Variants in SEC22C observed in about 807,000 individuals in gnomAD.
SEC22C encodes SEC22 homolog C, vesicle trafficking protein, also known as vesicle-trafficking protein SEC22c.
Under a neutral mutation model 34.7 loss-of-function variants are expected in SEC22C, and 29 were observed. The observed-to-expected ratio is 0.84, with a 90% confidence interval of 0.62 to 1.14. The LOEUF (loss-of-function observed/expected upper bound fraction) is 1.14, where lower values mean the gene tolerates loss of function less well. SEC22C is among the 50% of genes most tolerant of loss of function. SEC22C has a pLI of 0.00. For synonymous variants in SEC22C, 117 were observed against 132.8 expected (o/e 0.88, Z 0.82); for missense variants, 337 against 369.0 (o/e 0.91, Z 0.71).
At chr3:42,563,978 C>T (rs895011371) in intron 2 of SEC22C, 14 of 1,283,760 alleles carry the variant, frequency 1.1e-5, no homozygotes, top group African/African-American at 1.5e-5. Flanking sequence ...GACTTCTCCA[C>T]ATCTATTGAG....
chr3:42,551,502 C>G lies in SEC22C; in HGVS notation c.*1746G>C. ...GATTACAGGCATGTGCCATCACATC[C>G]GGCTAATTTTTTTTTTTGTAGAGAT... On this transcript the variant is annotated 3_prime_UTR_variant, in exon 7 of 7. Transcript: ENST00000264454. 2.1e-6 allele frequency: 1 copy of G among 486,840 alleles called. No individual in the cohort carries two copies. Among genetic ancestry groups the G allele is most frequent in the South Asian group, 8.8e-5 (1 of 11,364 alleles). 30.2% of individuals were successfully genotyped at this position (486,840 alleles called of 1,614,324 possible). A position where few individuals can be genotyped will look rare whatever the true frequency, so the allele number is the denominator to read the frequency against.
At chr3:42,571,030 G>A (rs1371254235) in intron 1 of SEC22C, among the ~76,000 whole-genome samples, 1 of 152,180 alleles carries the variant, frequency 6.6e-6, no homozygotes, top group Non-Finnish European at 1.5e-5. Flanking sequence ...TTTGGGAGCT[G>A]AGTAAATTGT....
chr3:42,594,511 C>A (rs747267212), intron 1 of SEC22C: 13 of 1,611,150 alleles, frequency 8.1e-6, no homozygotes, highest in Middle Eastern at 3.3e-4. Flanking sequence ...ATGGAATAAT[C>A]TTTCAAAAGC....
chr3:42,569,997 A>G (rs541740642), intron 1 of SEC22C, among the ~76,000 whole-genome samples: 117 of 152,328 alleles, frequency 7.7e-4, no homozygotes, highest in Non-Finnish European at 1.4e-3. Context: ...TACAGCTCAG[A>G]TAAGTCTTTC....
intron 2 of SEC22C, among the ~76,000 whole-genome samples, chr3:42,564,781 AG>A (rs1363378703): frequency 6.6e-6 from 1 of 152,012 alleles, no homozygotes; most frequent in Admixed American, 6.6e-5. Flanking sequence ...GTTTTGACAC[AG>A]GGTCTCACTC....
intron 1 of SEC22C, among the ~76,000 whole-genome samples, chr3:42,592,310 C>T (rs1036034181): frequency 4.6e-5 from 7 of 152,016 alleles, no homozygotes; most frequent in Admixed American, 2.0e-4. Flanking sequence ...AAGCAATTCT[C>T]GTGCCTCAGC....
At chr3:42,587,442 A>C (rs530269457) in intron 1 of SEC22C, 1 of 152,122 alleles carries the variant, frequency 6.6e-6, no homozygotes, top group Non-Finnish European at 1.5e-5. Flanking sequence ...TTAAAAAACC[A>C]ATCAGTCCAG....
At chr3:42,570,086 T>C (rs1703522741) in intron 1 of SEC22C, among the ~76,000 whole-genome samples, 2 of 152,152 alleles carry the variant, frequency 1.3e-5, no homozygotes, top group Admixed American at 6.5e-5. Context: ...CTTTACTTGA[T>C]AGGATGATAA....
At chr3:42,558,750 C>T (rs1231437300) in intron 4 of SEC22C, among the ~76,000 whole-genome samples, 3 of 152,040 alleles carry the variant, frequency 2.0e-5, no homozygotes, top group Admixed American at 6.5e-5. Context: ...CAAGATTGCA[C>T]CATGGTACTT....
At chr3:42,561,381 C>T in intron 3 of SEC22C, 85 bp from the exon 4 acceptor site, 1 of 1,417,750 alleles carries the variant, frequency 7.1e-7, no homozygotes, top group East Asian at 2.3e-5. Context: ...GTTCACATTT[C>T]TTTTTTTTGA....
At chr3:42,592,233 C>T (rs547852223) in intron 1 of SEC22C, among the ~76,000 whole-genome samples, 18 of 151,906 alleles carry the variant, frequency 1.2e-4, no homozygotes, top group African/African-American at 4.3e-4. Flanking sequence ...GACAGTCTCC[C>T]TCTGTCACCC....
chr3:42,588,590 C>T (rs971942375), intron 1 of SEC22C, among the ~76,000 whole-genome samples: 5 of 152,046 alleles, frequency 3.3e-5, no homozygotes, highest in African/African-American at 1.2e-4. Context: ...ATATAAATTA[C>T]ATGAAATTTT....
chr3:42,548,610 G>C lies in SEC22C; in HGVS notation c.*4638C>G. 1.9e-6 allele frequency: 3 copies of C among 1,613,670 alleles called. No homozygotes were observed. Among genetic ancestry groups the C allele is most frequent in the Non-Finnish European group, 2.5e-6 (3 of 1,180,002 alleles). On this transcript the variant is annotated 3_prime_UTR_variant, in exon 7 of 7. Transcript: ENST00000264454. The stretch of plus-strand genomic sequence containing the variant: ...GCTCTCCTCATTTGGGTCAGGGGTG[G>C]CTGGCTCACGAGGTTTGGTCCAACC...
At position 42,549,160 on chromosome 3, in the gene SEC22C, T is replaced by C. The variant is rs950981380; in HGVS notation, c.*4088A>G. The C allele has an allele frequency of 7.1e-6, 7 of 991,612 alleles. No individual in the cohort carries two copies. The African/African-American group carries it at 1.0e-4, about 15-fold the overall frequency. The allele number at this position is 991,612 out of a possible 1,614,324, so 61.4% of individuals were successfully genotyped here. A position where few individuals can be genotyped will look rare whatever the true frequency, so the allele number is the denominator to read the frequency against. On this transcript the variant is annotated 3_prime_UTR_variant, in exon 7 of 7. Coordinates refer to ENST00000264454, the MANE Select transcript of SEC22C (RefSeq NM_032970.4). ...ATTATTAACACTCACAGGGCACAGGTAGAGCGTCCCCAGACCTGTGCAATA... is the reference window on the plus strand; with the variant it reads ...ATTATTAACACTCACAGGGCACAGGCAGAGCGTCCCCAGACCTGTGCAATA...
upstream of SEC22C, among the ~76,000 whole-genome samples, chr3:42,582,847 T>A (rs954518368): frequency 6.6e-6 from 1 of 151,950 alleles, no homozygotes; most frequent in Non-Finnish European, 1.5e-5. Flanking sequence ...CTTTGAGGGA[T>A]GAAAAGAAAC....
chr3:42,590,893 T>C, intron 1 of SEC22C: 1 of 1,505,140 alleles, frequency 6.6e-7, no homozygotes, highest in African/African-American at 1.4e-5. Flanking sequence ...CGGAGGTTCC[T>C]CGGGATGTCG....
At chr3:42,566,845 T>C (rs1188315957) in intron 2 of SEC22C, 1 of 429,638 alleles carries the variant, frequency 2.3e-6, no homozygotes, top group East Asian at 7.3e-5. Context: ...CTCTAAAAAA[T>C]AAAAATAAAT....
intron 2 of SEC22C, among the ~76,000 whole-genome samples, chr3:42,567,488 T>A (rs1703324812): frequency 6.6e-6 from 1 of 152,218 alleles, no homozygotes; most frequent in Non-Finnish European, 1.5e-5. Flanking sequence ...TAGTTAAGTT[T>A]TTTTTACCTC....
In SEC22C at chr3:42,552,870, T is replaced by C. The variant is rs1474873486; in HGVS notation, c.*378A>G. 2 of 1,036,090 alleles carry C rather than the reference T, an allele frequency of 1.9e-6. No individual in the cohort carries two copies. Among genetic ancestry groups the C allele is most frequent in the Non-Finnish European group, 2.3e-6 (2 of 862,484 alleles). 64.2% of individuals were successfully genotyped at this position (1,036,090 alleles called of 1,614,324 possible). A position where few individuals can be genotyped will look rare whatever the true frequency, so the allele number is the denominator to read the frequency against. Reference sequence around the variant, plus strand: ...CTGATTTGGATTTTAAAGTGGTTCCTTGGAGACAACTCTCAATGACTAAAA... The same window carrying C: ...CTGATTTGGATTTTAAAGTGGTTCCCTGGAGACAACTCTCAATGACTAAAA... On this transcript the variant is annotated 3_prime_UTR_variant, in exon 7 of 7. Transcript: ENST00000264454.
Sources: gnomAD v4.1 joint callset for allele counts (sites outside exome capture counted in the v4.1 genomes callset) on GRCh38, gnomAD v4.1.1 for gene constraint, MANE v1.5 for transcripts, NCBI Gene and HGNC (gene_info 2026-07-23, HGNC 2026-07-21) for gene names.